The following MYLK variants were observed in gnomAD, a reference collection of about 807,000 sequenced individuals.
MYLK encodes the protein myosin light chain kinase, smooth muscle.
In MYLK, 106 loss-of-function variants were observed where a neutral mutation model predicts 203.4. The observed-to-expected ratio is 0.52, with a 90% CI of 0.45 to 0.61. The LOEUF (loss-of-function observed/expected upper bound fraction) is 0.61, where lower values mean the gene tolerates loss of function less well. MYLK is among the 20% of genes least tolerant of loss of function. MYLK has a pLI of 0.00. For synonymous variants in MYLK, 867 were observed against 959.5 expected (o/e 0.90, Z 1.78); for missense variants, 2,072 against 2,442.3 (o/e 0.85, Z 3.20).
intron 29 of MYLK, among the ~76,000 whole-genome samples, chr3:123,632,254 A>G (rs1576373351): frequency 6.7e-6 from 1 of 150,338 alleles, no homozygotes; most frequent in Non-Finnish European, 1.5e-5. Context: ...TGTGACCCCG[A>G]CCCCCACGTG....
Position 123,648,952 on chromosome 3 carries a change from A to C in MYLK, c.4415+19T>G. 1 of 1,611,678 alleles carries C rather than the reference A, an allele frequency of 6.2e-7. No homozygotes were observed. Among genetic ancestry groups the C allele is most frequent in the East Asian group, 2.2e-5 (1 of 44,864 alleles). On this transcript the variant is annotated intron_variant, in intron 26 of 33. Coordinates refer to ENST00000360304, the MANE Select transcript of MYLK (RefSeq NM_053025.4). The surrounding 1 kb of genome is among the most constrained non-coding windows in gnomAD (Gnocchi z 4.5). ...ACCCTCACCCTGGGAGCCCAGAGGC[A>C]ACTTCCCACTCCACTTACGATCCTA...
chr3:123,788,798 C>T (rs1195185399), intron 4 of MYLK, among the ~76,000 whole-genome samples: 1 of 152,190 alleles, frequency 6.6e-6, no homozygotes, highest in Non-Finnish European at 1.5e-5. Flanking sequence ...AGGGCCAGGG[C>T]TGGCTCTTTA....
At chr3:123,657,485 G>A in intron 23 of MYLK, 57 bp from the exon 24 acceptor site, 1 of 1,574,514 alleles carries the variant, frequency 6.4e-7, no homozygotes, top group Non-Finnish European at 8.7e-7. Flanking sequence ...GGCAAAGGAA[G>A]TTTTTGAATT....
At chr3:123,767,145 C>T (rs1452093719) in intron 4 of MYLK, among the ~76,000 whole-genome samples, 1 of 152,140 alleles carries the variant, frequency 6.6e-6, no homozygotes, top group African/African-American at 2.4e-5. Flanking sequence ...CTGTGATCCT[C>T]GGGGAGGAAG....
intron 16 of MYLK, among the ~76,000 whole-genome samples, chr3:123,704,622 G>A (rs961756241): frequency 6.6e-6 from 1 of 151,892 alleles, no homozygotes; most frequent in African/African-American, 2.4e-5. Context: ...AACTAATTTC[G>A]GCCGGGCATG....
chr3:123,709,932 G>A (rs1274817733), intron 13 of MYLK, 39 bp from the exon 14 acceptor site: 1 of 1,612,124 alleles, frequency 6.2e-7, no homozygotes, highest in Non-Finnish European at 8.5e-7. Context: ...GAACATTCAT[G>A]CATTCATTCA....
intron 12 of MYLK, among the ~76,000 whole-genome samples, chr3:123,723,796 C>CT (rs2062178246): frequency 1.3e-5 from 2 of 152,236 alleles, no homozygotes; most frequent in African/African-American, 4.8e-5. Context: ...AAAACACCGT[C>CT]TTGAGTGATG....
intron 2 of MYLK, among the ~76,000 whole-genome samples, chr3:123,848,930 A>G (rs1291661370): frequency 1.3e-5 from 2 of 152,144 alleles, no homozygotes; most frequent in African/African-American, 2.4e-5. Context: ...AAATATAGCC[A>G]AATAAAATTT....
At chr3:123,863,460 G>A (rs1052050181) in intron 2 of MYLK, among the ~76,000 whole-genome samples, 3 of 150,512 alleles carry the variant, frequency 2.0e-5, no homozygotes, top group African/African-American at 7.3e-5. Context: ...TGCAAATCAC[G>A]TATCTGATAA....
chr3:123,762,019 C>T (rs1200029687), intron 4 of MYLK, among the ~76,000 whole-genome samples: 2 of 152,078 alleles, frequency 1.3e-5, no homozygotes, highest in Admixed American at 6.5e-5. Flanking sequence ...AAGAGCGAAA[C>T]TCCGCCTCAA....
rs1043792836 is a variant in MYLK, at chr3:123,610,989, A to G, written c.*3116T>C. 6 of 152,226 alleles carry G rather than the reference A, an allele frequency of 3.9e-5. No individual in the cohort carries two copies. The highest frequency in any genetic ancestry group is 7.3e-5 in the Non-Finnish European group (5 of 68,040). 9.4% of individuals were successfully genotyped at this position (152,226 alleles called of 1,614,324 possible). On this transcript the variant is annotated 3_prime_UTR_variant, in exon 34 of 34. Coordinates refer to ENST00000360304, the MANE Select transcript of MYLK (RefSeq NM_053025.4). ...TGTTTGGGATGAAAATGAATGGAAG[A>G]AAGTATATCTGTTATTTTTCTCAGT... is the stretch of plus-strand genomic sequence containing the variant.
intron 4 of MYLK, among the ~76,000 whole-genome samples, chr3:123,758,230 A>T (rs1159571223): frequency 6.6e-6 from 1 of 152,196 alleles, no homozygotes; most frequent in Non-Finnish European, 1.5e-5. Flanking sequence ...CAGCCCCATA[A>T]GCAGGCAGGC....
chr3:123,863,046 T>A (rs2032050344), intron 2 of MYLK, among the ~76,000 whole-genome samples: 1 of 152,198 alleles, frequency 6.6e-6, no homozygotes, highest in Non-Finnish European at 1.5e-5. Flanking sequence ...TGGGTTCAAA[T>A]CCTGGATCTG....
At chr3:123,616,277 C>A (rs1251079943) in intron 33 of MYLK, 1 of 152,010 alleles carries the variant, frequency 6.6e-6, no homozygotes, top group African/African-American at 2.4e-5. Flanking sequence ...ATGGACCTCA[C>A]CAATGAGCCT....
At position 123,682,250 on chromosome 3, in the gene MYLK, G is replaced by A; in HGVS notation, c.3626C>T (p.Ser1209Phe). ...PEMKSRRPKS[S>F]LPPVLGTESD... ...CTCAGTTCCTAGCACGGGAGGAAGA[G>A]AGCTCTTGGGCCTCCGGGATTTCAT... Residue 1209 changes from serine (S) to phenylalanine (F), a missense_variant, in exon 20 of 34, where the codon TCT becomes TTT. Physicochemically the swap from Ser to Phe is radical, Grantham distance 155. Transcript: ENST00000360304. 2 of 1,603,408 alleles carry A rather than the reference G, an allele frequency of 1.2e-6. No homozygotes were observed. The highest frequency in any genetic ancestry group is 8.5e-7 in the Non-Finnish European group (1 of 1,175,256).
Position 123,734,147 on chromosome 3 carries a change from C to T in MYLK, c.849G>A (p.Ser283=), listed in dbSNP as rs758274846. 1.1e-5 allele frequency: 17 copies of T among 1,573,348 alleles called. No homozygotes were observed. In the East Asian group the frequency reaches 2.9e-4, roughly 27 times the overall value. The part of the protein sequence containing the change: ...KEVTNVISKE[S]KLDSLEAAAK... Reference sequence around the variant, plus strand: ...CTGCAGCCTCCAGACTGTCCAGCTTCGACTCCTTTGAGATTACATTGGTCA... The same window carrying T: ...CTGCAGCCTCCAGACTGTCCAGCTTTGACTCCTTTGAGATTACATTGGTCA... Residue 283 remains serine (S), a synonymous_variant, in exon 10 of 34, where the codon TCG becomes TCA. Transcript: ENST00000360304.
Position 123,610,977 on chromosome 3 carries a change from A to G in MYLK, c.*3128T>C, listed in dbSNP as rs1419579756. The G allele has an allele frequency of 6.6e-6, 1 of 152,242 alleles. No homozygotes were observed. The highest frequency in any genetic ancestry group is 2.4e-5 in the African/African-American group (1 of 41,462). 9.4% of individuals were successfully genotyped at this position (152,242 alleles called of 1,614,324 possible). On this transcript the variant is annotated 3_prime_UTR_variant, in exon 34 of 34. Coordinates refer to ENST00000360304, the MANE Select transcript of MYLK (RefSeq NM_053025.4). ...TTATTTTTTATATGTTTGGGATGAAAATGAATGGAAGAAAGTATATCTGTT... is the reference window on the plus strand; with the variant it reads ...TTATTTTTTATATGTTTGGGATGAAGATGAATGGAAGAAAGTATATCTGTT...
rs778762375 is a variant in MYLK, at chr3:123,640,414, C to T, written c.4710G>A (p.Ser1570=). 9.3e-6 allele frequency: 15 copies of T among 1,613,940 alleles called. No homozygotes were observed. The highest frequency in any genetic ancestry group is 1.6e-4 in the Middle Eastern group (1 of 6,084). Residue 1570 remains serine (S), a synonymous_variant, in exon 28 of 34, where the codon TCG becomes TCA. Coordinates refer to ENST00000360304, the MANE Select transcript of MYLK (RefSeq NM_053025.4). The surrounding 1 kb of genome is among the most constrained non-coding windows in gnomAD (Gnocchi z 4.3). Reference sequence around the variant, plus strand: ...GCTTGTGGATGTACTCCACTCCCTCCGAGATCTGCCGCATGTACTTGATGC... The same window carrying T: ...GCTTGTGGATGTACTCCACTCCCTCTGAGATCTGCCGCATGTACTTGATGC... The part of the protein sequence containing the change: ...RECIKYMRQI[S]EGVEYIHKQG...
At chr3:123,849,947 A>G (rs537086665) in intron 2 of MYLK, among the ~76,000 whole-genome samples, 4 of 151,920 alleles carry the variant, frequency 2.6e-5, no homozygotes, top group African/African-American at 7.3e-5. Context: ...CCTGTGTCCA[A>G]GTGTTCTCAT....
Sources: gnomAD v4.1 joint callset for allele counts (sites outside exome capture counted in the v4.1 genomes callset) on GRCh38, gnomAD v4.1.1 for gene constraint, Gnocchi (gnomAD v3.1) non-coding constraint, MANE v1.5 for transcripts, NCBI Gene and HGNC (gene_info 2026-07-23, HGNC 2026-07-21) for gene names.